The following EDAR variants were observed in gnomAD, a reference collection of about 807,000 sequenced individuals.
EDAR encodes the protein tumor necrosis factor receptor superfamily member EDAR.
Under a neutral mutation model 51.3 loss-of-function variants are expected in EDAR, and 38 were observed. That is an observed-to-expected ratio of 0.74 (90% CI 0.57 to 0.97). The LOEUF is 0.97. Ranked by LOEUF, EDAR falls within the 50% of genes least tolerant of loss-of-function variation. The pLI is 0.00. For missense variants in EDAR, 528 were observed against 595.0 expected (o/e 0.89, Z 1.17); for synonymous variants, 227 against 242.1 (o/e 0.94, Z 0.58).
intron 1 of EDAR, among the ~76,000 whole-genome samples, chr2:108,952,760 G>T (rs113749490): frequency 3.9e-5 from 6 of 152,026 alleles, no homozygotes; most frequent in African/African-American, 1.4e-4. Flanking sequence ...CTATTTCTTC[G>T]TATGTGTGGT....
intron 1 of EDAR, among the ~76,000 whole-genome samples, chr2:108,932,460 C>T (rs866565933): frequency 2.2e-5 from 3 of 135,614 alleles, no homozygotes; most frequent in South Asian, 2.4e-4. Context: ...ACCCGGGAGG[C>T]GGAGCTTGCA....
At chr2:108,957,396 CT>C (rs971559799) in intron 1 of EDAR, among the ~76,000 whole-genome samples, 1 of 152,258 alleles carries the variant, frequency 6.6e-6, no homozygotes, top group Non-Finnish European at 1.5e-5. Flanking sequence ...GTAATGACAT[CT>C]GTTTGGGCAT....
chr2:108,904,680 A>G (rs894614115), intron 11 of EDAR, among the ~76,000 whole-genome samples: 1 of 152,254 alleles, frequency 6.6e-6, no homozygotes, highest in African/African-American at 2.4e-5. Flanking sequence ...ATGGACCTCC[A>G]GTGAATTATG....
At position 108,920,843 on chromosome 2, in the gene EDAR, C is replaced by T. The variant is rs142561235; in HGVS notation, c.442+2525G>A. Among the ~76,000 whole-genome samples, 476 of 152,296 alleles carry T rather than the reference C, an allele frequency of 3.1e-3. 8 individuals are homozygous for T. In the East Asian group the frequency reaches 0.038, roughly 12 times the overall value. ...TGGGAGGATTTGGTGGGCAAAATTGCGCCTGAGCCACACAGGAGCCTGGGC... is the reference window on the plus strand; with the variant it reads ...TGGGAGGATTTGGTGGGCAAAATTGTGCCTGAGCCACACAGGAGCCTGGGC... On this transcript the variant is annotated intron_variant, in intron 5 of 11. Coordinates refer to ENST00000258443, the MANE Select transcript of EDAR (RefSeq NM_022336.4).
chr2:108,962,575 T>A (rs985849444), intron 1 of EDAR, among the ~76,000 whole-genome samples: 4 of 146,890 alleles, frequency 2.7e-5, no homozygotes, highest in Non-Finnish European at 4.4e-5. Context: ...CTCGGGAGGC[T>A]GAGGCAGGAG....
chr2:108,943,224 G>A (rs932366713), intron 1 of EDAR, among the ~76,000 whole-genome samples: 1 of 152,176 alleles, frequency 6.6e-6, no homozygotes, highest in African/African-American at 2.4e-5. Flanking sequence ...AAGGCCTTGA[G>A]AAGGGCAAGC....
At chr2:108,911,722 C>T (rs1696932346) in intron 6 of EDAR, among the ~76,000 whole-genome samples, 1 of 152,140 alleles carries the variant, frequency 6.6e-6, no homozygotes, top group Non-Finnish European at 1.5e-5. Flanking sequence ...CCAAACAGGA[C>T]TCTGATTGTC....
chr2:108,913,197 C>T (rs921972100), intron 5 of EDAR, among the ~76,000 whole-genome samples: 5 of 152,064 alleles, frequency 3.3e-5, no homozygotes, highest in Non-Finnish European at 7.4e-5. Flanking sequence ...GATCTGCCCG[C>T]CTCGGCCTCC....
chr2:108,929,347 G>A lies in EDAR; in HGVS notation c.207C>T (p.Tyr69=), dbSNP rs147059377. Residue 69 remains tyrosine, a synonymous_variant, in exon 4 of 12, where the codon TAC becomes TAT. Coordinates refer to ENST00000258443, the MANE Select transcript of EDAR (RefSeq NM_022336.4). ...SCGYGTKDED[Y]GCVPCPAEKF... The stretch of plus-strand genomic sequence containing the variant: ...TCTCCGCCGGGCAGGGGACGCAGCC[G>A]TAGTCCTCGTCTTTGGTGCCGTAGC... The A allele has an allele frequency of 7.4e-4, 1,190 of 1,614,132 alleles. 10 individuals are homozygous for A. The South Asian group carries it at 8.8e-3, about 12-fold the overall frequency.
In EDAR at chr2:108,978,259, C is replaced by T. The variant is rs183612620; in HGVS notation, c.-19+10701G>A. ...GAAGCAGAAAAGGATCCAGGCAGGG[C>T]GTGGAAGTGTTTCAAGGGGTTAAAT... On this transcript the variant is annotated intron_variant, in intron 1 of 11. Transcript: ENST00000258443. Among the ~76,000 whole-genome samples, 20 of 152,226 alleles carry T rather than the reference C, an allele frequency of 1.3e-4. No homozygotes were observed. In the East Asian group the frequency reaches 3.5e-3, roughly 27 times the overall value.
At chr2:108,945,288 C>A (rs1358537712) in intron 1 of EDAR, among the ~76,000 whole-genome samples, 1 of 152,136 alleles carries the variant, frequency 6.6e-6, no homozygotes, top group Admixed American at 6.5e-5. Context: ...TTAAAGACAT[C>A]TTTTATTAGG....
In EDAR at chr2:108,982,402, C is replaced by T. The variant is rs560353304; in HGVS notation, c.-19+6558G>A. ...CAGAGGCTCCTGCTTTAACTGATGC[C>T]GTGGGAGGCATGCAGCCAGTCCTTT... On this transcript the variant is annotated intron_variant, in intron 1 of 11. Transcript: ENST00000258443. 5.3e-4 allele frequency among the ~76,000 whole-genome samples: 80 copies of T among 152,332 alleles called. 1 individual carries two copies. Among genetic ancestry groups the T allele is most frequent in the African/African-American group, 1.8e-3 (76 of 41,578 alleles).
At chr2:108,949,387 T>C (rs1179336251) in intron 1 of EDAR, among the ~76,000 whole-genome samples, 2 of 152,200 alleles carry the variant, frequency 1.3e-5, no homozygotes, top group Non-Finnish European at 2.9e-5. Flanking sequence ...ATTTTGCTTT[T>C]CAGTCAGTGG....
chr2:108,976,035 A>C (rs1358121671), intron 1 of EDAR, among the ~76,000 whole-genome samples: 1 of 152,212 alleles, frequency 6.6e-6, no homozygotes, highest in African/African-American at 2.4e-5. Context: ...GATGCAATAC[A>C]GTGGTCATCC....
intron 1 of EDAR, among the ~76,000 whole-genome samples, chr2:108,941,141 G>A (rs907628128): frequency 5.3e-5 from 8 of 152,214 alleles, no homozygotes; most frequent in African/African-American, 1.9e-4. Context: ...TACCTGTGAT[G>A]CGTCTGCGTT....
At chr2:108,923,323 C>T (rs778267481) in intron 5 of EDAR, 45 bp downstream of exon 5, 13 of 1,575,572 alleles carry the variant, frequency 8.3e-6, no homozygotes, top group East Asian at 4.5e-5. Flanking sequence ...GAAAGGGATC[C>T]GTGCTGAACA....
At chr2:108,911,763 A>C (rs1696932919) in intron 6 of EDAR, among the ~76,000 whole-genome samples, 1 of 152,066 alleles carries the variant, frequency 6.6e-6, no homozygotes, top group Non-Finnish European at 1.5e-5. Flanking sequence ...GCCACCACCC[A>C]AATAGACAGG....
intron 1 of EDAR, among the ~76,000 whole-genome samples, chr2:108,978,544 G>A (rs976184919): frequency 6.6e-6 from 1 of 152,210 alleles, no homozygotes; most frequent in South Asian, 2.1e-4. Context: ...TCCTCCCAAG[G>A]AGGCTGAGGT....
At position 108,896,496 on chromosome 2, in the gene EDAR, GT is replaced by G. The variant is rs1558793021; in HGVS notation, c.*410del. The G allele has an allele frequency of 5.8e-6, 1 of 171,738 alleles. No homozygotes were observed. 10.6% of individuals were successfully genotyped at this position (171,738 alleles called of 1,614,324 possible). A position where few individuals can be genotyped will look rare whatever the true frequency, so the allele number is the denominator to read the frequency against. On this transcript the variant is annotated 3_prime_UTR_variant, in exon 12 of 12. Coordinates refer to ENST00000258443, the MANE Select transcript of EDAR (RefSeq NM_022336.4). The stretch of plus-strand genomic sequence containing the variant: ...TTGACGTCTTCCAGTGAAGTGGTTT[GT>G]AAACATACGTTCCTTCTGTCTTCTA...
Sources: gnomAD v4.1 joint callset for allele counts (sites outside exome capture counted in the v4.1 genomes callset) on GRCh38, gnomAD v4.1.1 for gene constraint, MANE v1.5 for transcripts, NCBI Gene and HGNC (gene_info 2026-07-23, HGNC 2026-07-21) for gene names.